NAV2: variants seen among roughly 807,000 people sequenced by gnomAD.
NAV2 encodes the protein helicase, APC down-regulated 1.
NAV2 carries 54 observed loss-of-function variants against 223.2 expected under a neutral mutation model. That is an observed-to-expected ratio of 0.24 (90% confidence interval 0.19 to 0.30). The LOEUF (loss-of-function observed/expected upper bound fraction) is 0.30, where lower values mean the gene tolerates loss of function less well. NAV2 is among the 10% of genes least tolerant of loss of function. The probability of loss-of-function intolerance (pLI) is 1.00; values close to 1 mark genes in which losing one functional copy is unlikely to be tolerated. For missense variants in NAV2, 2,806 were observed against 3,147.5 expected, an observed-to-expected ratio of 0.89 and a Z score of 2.60; for synonymous variants, 1,279 against 1,239.3, an observed-to-expected ratio of 1.03 and a Z score of -0.67.
At chr11:19,534,000 CCGG>C (rs2044111332) in intron 1 of NAV2, among the ~76,000 whole-genome samples, 1 of 152,124 alleles carries the variant, frequency 6.6e-6, no homozygotes, top group African/African-American at 2.4e-5. Context: ...GCCACCGCGC[CCGG>C]CCTCTGGGAA....
chr11:19,597,736 C>T (rs959877228), intron 1 of NAV2, among the ~76,000 whole-genome samples: 3 of 152,212 alleles, frequency 2.0e-5, no homozygotes, highest in Non-Finnish European at 2.9e-5. Flanking sequence ...GCCCAAGCTG[C>T]GGAAGTCTAA....
At chr11:19,498,613 A>G (rs1310622073) in intron 1 of NAV2, among the ~76,000 whole-genome samples, 4 of 152,204 alleles carry the variant, frequency 2.6e-5, no homozygotes, top group Non-Finnish European at 5.9e-5. Context: ...TTGAACAAAC[A>G]TTTATTCCTA....
At chr11:19,925,888 T>C (rs1255423909) in intron 6 of NAV2, among the ~76,000 whole-genome samples, 1 of 152,224 alleles carries the variant, frequency 6.6e-6, no homozygotes, top group African/African-American at 2.4e-5. Context: ...TTTGACCATA[T>C]GTGCAAAGGT....
intron 1 of NAV2, among the ~76,000 whole-genome samples, chr11:19,556,219 A>C (rs1051700774): frequency 2.4e-4 from 37 of 152,250 alleles, no homozygotes; most frequent in African/African-American, 8.9e-4. Context: ...TCATTTGTAA[A>C]AGTGACAGGT....
rs11827423 is a variant in NAV2, at chr11:20,113,003, G to A, written c.6961-1589G>A. ...GCCACCCTAGAGACACACTGCAGCC[G>A]TGGTGGCCCACAGGACTCTTTAGTC... On this transcript the variant is annotated intron_variant, in intron 36 of 37. Coordinates refer to ENST00000349880, the MANE Select transcript of NAV2 (RefSeq NM_145117.5). Among the ~76,000 whole-genome samples, 1,080 of 152,328 alleles carry A rather than the reference G, an allele frequency of 7.1e-3. 12 individuals carry two copies. Among genetic ancestry groups the A allele is most frequent in the African/African-American group, 0.024 (1,009 of 41,568 alleles).
chr11:19,539,742 T>G (rs1395878029), intron 1 of NAV2, among the ~76,000 whole-genome samples: 1 of 152,200 alleles, frequency 6.6e-6, no homozygotes, highest in Non-Finnish European at 1.5e-5. Flanking sequence ...TGAAGCCTTT[T>G]CATTGCATAC....
chr11:19,896,088 C>T (rs985761639), intron 6 of NAV2, among the ~76,000 whole-genome samples: 2 of 152,210 alleles, frequency 1.3e-5, no homozygotes, highest in South Asian at 2.1e-4. Context: ...CCGAAGCCTT[C>T]CTGTAAGTGA....
intron 11 of NAV2, among the ~76,000 whole-genome samples, chr11:20,018,294 C>T (rs2054183117): frequency 7.5e-6 from 1 of 132,796 alleles, no homozygotes. Flanking sequence ...GTGGAGGTTG[C>T]AGTGAGCTGA....
chr11:19,877,472 T>TTTTTCTTTTC (rs2062915708), intron 4 of NAV2, among the ~76,000 whole-genome samples: 2 of 117,844 alleles, frequency 1.7e-5, no homozygotes, highest in African/African-American at 7.2e-5. Context: ...TCTTCATTCT[T>TTTTTCTTTTC]TTTTTTTTTT....
At chr11:19,765,395 C>G (rs11025247) in intron 1 of NAV2, among the ~76,000 whole-genome samples, 1 of 72,598 alleles carries the variant, frequency 1.4e-5, no homozygotes, top group Non-Finnish European at 2.9e-5. Flanking sequence ...CCTTCCTTCC[C>G]TCCCTCCCTC....
Position 19,457,212 on chromosome 11 carries a change from A to C in NAV2, c.75+106185A>C, listed in dbSNP as rs1370567133. 3.3e-5 allele frequency among the ~76,000 whole-genome samples: 5 copies of C among 152,228 alleles called. No homozygotes were observed. The South Asian group carries it at 6.2e-4, about 19-fold the overall frequency. ...GGAAGAAAACAACAGCAGCAATGTC[A>C]TTTTAAGGAAGTAATGATAAATACT... On this transcript the variant is annotated intron_variant, in intron 1 of 37. Transcript: ENST00000360655.
At chr11:20,001,503 AG>A (rs2063557308) in intron 11 of NAV2, among the ~76,000 whole-genome samples, 1 of 152,106 alleles carries the variant, frequency 6.6e-6, no homozygotes, top group African/African-American at 2.4e-5. Flanking sequence ...CTCTCCATCC[AG>A]AGACCTTGGC....
intron 17 of NAV2, among the ~76,000 whole-genome samples, chr11:20,053,838 A>G (rs757325180): frequency 4.6e-5 from 7 of 152,234 alleles, no homozygotes; most frequent in African/African-American, 1.2e-4. Flanking sequence ...GCATTTACCA[A>G]TCTTCTTCCC....
intron 1 of NAV2, among the ~76,000 whole-genome samples, chr11:19,787,100 A>T (rs975691786): frequency 3.4e-4 from 51 of 151,318 alleles, no homozygotes; most frequent in African/African-American, 1.2e-3. Context: ...TTTTTATTTT[A>T]TTTTTTTTGA....
At chr11:19,995,996 T>C (rs978991680) in intron 11 of NAV2, among the ~76,000 whole-genome samples, 1 of 152,184 alleles carries the variant, frequency 6.6e-6, no homozygotes, top group Non-Finnish European at 1.5e-5. Context: ...TGATTTTTCA[T>C]GCAGTTGACA....
intron 1 of NAV2, among the ~76,000 whole-genome samples, chr11:19,682,897 T>C (rs1268601543): frequency 6.6e-6 from 1 of 152,126 alleles, no homozygotes; most frequent in African/African-American, 2.4e-5. Context: ...ATCCAAAACA[T>C]ATCATATTCA....
At chr11:19,831,760 G>A (rs764770731) in intron 1 of NAV2, among the ~76,000 whole-genome samples, 7 of 152,176 alleles carry the variant, frequency 4.6e-5, no homozygotes, top group Non-Finnish European at 1.0e-4. Flanking sequence ...AAGGGGGTCT[G>A]TTCTCCTGAT....
intron 1 of NAV2, among the ~76,000 whole-genome samples, chr11:19,588,241 C>T (rs7939900): frequency 0.86 from 130,738 of 152,216 alleles, 59,068 homozygotes; most frequent in Non-Finnish European, 1. Flanking sequence ...CCCACAAAAT[C>T]CTGAATTAGT....
chr11:19,444,572 G>A (rs1317849617), intron 1 of NAV2, among the ~76,000 whole-genome samples: 2 of 152,042 alleles, frequency 1.3e-5, no homozygotes, highest in African/African-American at 4.8e-5. Flanking sequence ...CTGCCCACCT[G>A]CTCCTCCCCT....
Sources: allele counts gnomAD v4.1 joint callset (sites outside exome capture counted in the v4.1 genomes callset), GRCh38; gene constraint gnomAD v4.1.1; transcripts MANE v1.5; gene names NCBI Gene and HGNC (gene_info 2026-07-23, HGNC 2026-07-21).